The following ARHGAP24 variants were observed in gnomAD, a reference collection of about 807,000 sequenced individuals.
The protein encoded by ARHGAP24 is rho GTPase-activating protein 24.
A neutral mutation model predicts 76.4 loss-of-function variants in ARHGAP24; 50 were observed. That is an observed-to-expected ratio of 0.65 (90% CI 0.52 to 0.83). The LOEUF is 0.83. ARHGAP24 is among the 40% of genes least tolerant of loss of function. The pLI is 0.00. For missense variants in ARHGAP24, 930 were observed against 914.2 expected, an observed-to-expected ratio of 1.02 and a Z score of -0.22; for synonymous variants, 345 against 323.3, an observed-to-expected ratio of 1.07 and a Z score of -0.72.
intron 1 of ARHGAP24, among the ~76,000 whole-genome samples, chr4:85,512,137 C>T (rs541879249): frequency 6.6e-6 from 1 of 152,338 alleles, no homozygotes; most frequent in South Asian, 2.1e-4. Context: ...TGAGGGCACA[C>T]AATTCAACCC....
chr4:85,538,025 GA>G (rs397798210), intron 1 of ARHGAP24, among the ~76,000 whole-genome samples: 56 of 144,020 alleles, frequency 3.9e-4, no homozygotes, highest in Middle Eastern at 3.6e-3. Flanking sequence ...AGCAATCCAA[GA>G]AAAAAAAAAA....
chr4:85,624,453 A>G (rs554385454), intron 2 of ARHGAP24, among the ~76,000 whole-genome samples: 1 of 152,272 alleles, frequency 6.6e-6, no homozygotes, highest in South Asian at 2.1e-4. Flanking sequence ...ATTATGGTGG[A>G]TAAGCTTTTT....
At chr4:85,964,437 T>C (rs1214453260) in intron 5 of ARHGAP24, among the ~76,000 whole-genome samples, 1 of 152,106 alleles carries the variant, frequency 6.6e-6, no homozygotes, top group Non-Finnish European at 1.5e-5. Flanking sequence ...AGATATTATG[T>C]AGTCTTGTAG....
intron 4 of ARHGAP24, among the ~76,000 whole-genome samples, chr4:85,932,435 CTTTTT>C (rs5860009): frequency 6.4e-5 from 7 of 109,066 alleles, no homozygotes; most frequent in Admixed American, 9.6e-5. Flanking sequence ...CTTTAAAGGA[CTTTTT>C]TTTTTTTTTT....
At chr4:85,626,462 CT>C (rs1720958200) in intron 2 of ARHGAP24, among the ~76,000 whole-genome samples, 1 of 148,920 alleles carries the variant, frequency 6.7e-6, no homozygotes, top group Non-Finnish European at 1.5e-5. Context: ...ATGGGCTTCC[CT>C]TTGTGGATAA....
At chr4:85,906,203 A>T (rs2148795037) in intron 3 of ARHGAP24, among the ~76,000 whole-genome samples, 1 of 152,292 alleles carries the variant, frequency 6.6e-6, no homozygotes, top group African/African-American at 2.4e-5. Flanking sequence ...CACATTATAG[A>T]TTTTTCCAGC....
intron 4 of ARHGAP24, among the ~76,000 whole-genome samples, chr4:85,939,105 C>T (rs1022287849): frequency 4.6e-5 from 7 of 152,150 alleles, no homozygotes; most frequent in Non-Finnish European, 8.8e-5. Context: ...TCAAGCTCCT[C>T]CTCCTTAAAA....
At chr4:85,911,332 A>G (rs1735067716) in intron 3 of ARHGAP24, among the ~76,000 whole-genome samples, 1 of 152,144 alleles carries the variant, frequency 6.6e-6, no homozygotes, top group African/African-American at 2.4e-5. Flanking sequence ...TACAACCTGC[A>G]TGATGGCAGT....
At chr4:85,837,703 G>A (rs1020009248) in intron 3 of ARHGAP24, among the ~76,000 whole-genome samples, 9 of 152,094 alleles carry the variant, frequency 5.9e-5, no homozygotes, top group Non-Finnish European at 1.2e-4. Context: ...CTCAGGAGGA[G>A]CCCACTCCCC....
At chr4:85,931,148 G>A in intron 4 of ARHGAP24, 1 of 1,187,810 alleles carries the variant, frequency 8.4e-7, no homozygotes, top group Non-Finnish European at 1.2e-6. Flanking sequence ...GAAACCAAGA[G>A]CTTAGGACTG....
At chr4:85,959,890 C>A (rs1738144222) in intron 5 of ARHGAP24, among the ~76,000 whole-genome samples, 1 of 152,134 alleles carries the variant, frequency 6.6e-6, no homozygotes, top group Non-Finnish European at 1.5e-5. Context: ...TTTTGACATG[C>A]AATTTCCAAG....
At chr4:85,583,998 C>T (rs183189309) in intron 2 of ARHGAP24, among the ~76,000 whole-genome samples, 14,495 of 144,088 alleles carry the variant, frequency 0.1, 2,747 homozygotes, top group African/African-American at 0.39. Flanking sequence ...TTGGTGGGAC[C>T]GTAAACTAGT....
intron 3 of ARHGAP24, among the ~76,000 whole-genome samples, chr4:85,906,604 A>G (rs536185278): frequency 2.0e-5 from 3 of 152,332 alleles, no homozygotes; most frequent in African/African-American, 7.2e-5. Flanking sequence ...ACATAAACTA[A>G]GAGCAAAAGA....
At chr4:85,936,244 G>A (rs1229534934) in intron 4 of ARHGAP24, among the ~76,000 whole-genome samples, 2 of 152,104 alleles carry the variant, frequency 1.3e-5, no homozygotes, top group South Asian at 2.1e-4. Flanking sequence ...TTAATGGCAC[G>A]ACCCACGAAC....
chr4:85,994,522 TG>T, intron 8 of ARHGAP24, 60 bp from the exon 9 acceptor site: 1 of 1,492,794 alleles, frequency 6.7e-7, no homozygotes, highest in South Asian at 1.1e-5. Context: ...AGAGTCACAT[TG>T]AAATAGAAAT....
intron 2 of ARHGAP24, among the ~76,000 whole-genome samples, chr4:85,673,810 T>G (rs1722885569): frequency 6.1e-5 from 1 of 16,324 alleles, no homozygotes; most frequent in Non-Finnish European, 1.0e-4. Context: ...TTCTTATAAC[T>G]GCCAGGGCGT....
At chr4:85,494,970 C>T (rs1201016435) in intron 1 of ARHGAP24, among the ~76,000 whole-genome samples, 1 of 151,356 alleles carries the variant, frequency 6.6e-6, no homozygotes, top group African/African-American at 2.4e-5. Context: ...GGGTGGCGGG[C>T]GCCTGTAGTC....
intron 3 of ARHGAP24, among the ~76,000 whole-genome samples, chr4:85,829,288 C>T (rs1729872971): frequency 6.6e-6 from 1 of 152,046 alleles, no homozygotes; most frequent in African/African-American, 2.4e-5. Context: ...TATTAAAAGG[C>T]AGTGAACATT....
intron 4 of ARHGAP24, among the ~76,000 whole-genome samples, chr4:85,928,690 G>A (rs1204990485): frequency 6.6e-6 from 1 of 152,074 alleles, no homozygotes; most frequent in Non-Finnish European, 1.5e-5. Context: ...TCAAACTCCT[G>A]ACCTCAGGTG....
Sources: allele counts gnomAD v4.1 joint callset (sites outside exome capture counted in the v4.1 genomes callset), GRCh38; gene constraint gnomAD v4.1.1; transcripts MANE v1.5; gene names NCBI Gene and HGNC (gene_info 2026-07-23, HGNC 2026-07-21).